The following EBF3 variants were observed in gnomAD, a reference collection of about 807,000 sequenced individuals.
EBF3 encodes the protein EBF transcription factor 3, also known as transcription factor COE3.
A neutral mutation model predicts 77.1 loss-of-function variants in EBF3; 18 were observed. The observed-to-expected ratio is 0.23, with a 90% CI of 0.16 to 0.35. The LOEUF is 0.35. Ranked by LOEUF, EBF3 falls within the 10% of genes least tolerant of loss-of-function variation. EBF3 has a pLI of 1.00. For missense variants in EBF3, 558 were observed against 860.0 expected (o/e 0.65, Z 4.39); for synonymous variants, 350 against 343.5 (o/e 1.02, Z -0.21).
rs17330671 is a variant in EBF3 at position 129,913,932 on chromosome 10, C to T, written c.555-36083G>A. ...TCATTCACTCATCTCGCTTCTCATC[C>T]GAATGGAACTCCACCTGAAAACTCT... is the stretch of plus-strand genomic sequence containing the variant. On this transcript the variant is annotated intron_variant, in intron 6 of 16. Coordinates refer to ENST00000440978, the MANE Select transcript of EBF3 (RefSeq NM_001375380.1). Among the ~76,000 whole-genome samples, 1,178 of 152,376 alleles carry T rather than the reference C, an allele frequency of 7.7e-3. 10 individuals carry two copies. Among genetic ancestry groups the T allele is most frequent in the Non-Finnish European group, 0.013 (894 of 68,046 alleles).
In EBF3 at chr10:129,957,388, A is replaced by ATTTT. The variant is rs36101167; in HGVS notation, c.486-66_486-63dup. On this transcript the variant is annotated intron_variant, in intron 5 of 16. Coordinates refer to ENST00000440978, the MANE Select transcript of EBF3 (RefSeq NM_001375380.1). ...TTTCCCCCTTTTATGCCCGACTTGT[A>ATTTT]TTTTTTTTTTTTTCTGACGTCTGAC... 1,441 of 1,161,698 alleles carry ATTTT rather than the reference A, an allele frequency of 1.2e-3. 1 individual carries two copies. The highest frequency in any genetic ancestry group is 2.9e-3 in the South Asian group (167 of 57,642). The allele number at this position is 1,161,698 out of a possible 1,614,324, so 72.0% of individuals were successfully genotyped here.
chr10:129,903,085 C>T (rs1035520158), intron 6 of EBF3, among the ~76,000 whole-genome samples: 1 of 152,224 alleles, frequency 6.6e-6, no homozygotes, highest in South Asian at 2.1e-4. Context: ...TCTGTGGCTT[C>T]GATGAAAGTC....
intron 6 of EBF3, among the ~76,000 whole-genome samples, chr10:129,929,286 C>T (rs1040379997): frequency 5.3e-5 from 8 of 152,110 alleles, no homozygotes; most frequent in Admixed American, 4.6e-4. Context: ...TTCACTGCAA[C>T]CTGCACCTCC....
Position 129,841,163 on chromosome 10 carries a change from C to A in EBF3, c.1373-131G>T. The A allele has an allele frequency of 8.1e-7, 1 of 1,239,748 alleles. No homozygotes were observed. Among genetic ancestry groups the A allele is most frequent in the East Asian group, 2.6e-5 (1 of 39,168 alleles). 76.8% of individuals were successfully genotyped at this position (1,239,748 alleles called of 1,614,324 possible). On this transcript the variant is annotated intron_variant, in intron 13 of 16. Transcript: ENST00000440978. The surrounding 1 kb of genome is among the most constrained non-coding windows in gnomAD (Gnocchi z 4.6). ...CCTGTGCTTTCCACCTGCTCTAGCG[C>A]CTGCTGCCAGCTCGGATGACCTTAT...
Position 129,870,658 on chromosome 10 carries a change from C to T in EBF3, c.782-2746G>A, listed in dbSNP as rs1488305296. On this transcript the variant is annotated intron_variant, in intron 8 of 16. Coordinates refer to ENST00000440978, the MANE Select transcript of EBF3 (RefSeq NM_001375380.1). The surrounding 1 kb of genome is among the most constrained non-coding windows in gnomAD (Gnocchi z 4.4). ...CACCCTCTGCCCATCGTGACCCCCG[C>T]CGGCTCTCCCCAGGGCCTGCGGGGA... Among the ~76,000 whole-genome samples the T allele has an allele frequency of 1.3e-5, 2 of 152,160 alleles. No homozygotes were observed. Among genetic ancestry groups the T allele is most frequent in the Admixed American group, 1.3e-4 (2 of 15,284 alleles).
intron 6 of EBF3, among the ~76,000 whole-genome samples, chr10:129,894,614 C>G (rs1290980619): frequency 6.6e-6 from 1 of 152,202 alleles, no homozygotes; most frequent in Non-Finnish European, 1.5e-5. Context: ...TGACCAGGCT[C>G]TCCATTGCTC....
intron 6 of EBF3, among the ~76,000 whole-genome samples, chr10:129,914,264 T>A (rs907429583): frequency 2.6e-5 from 4 of 152,112 alleles, no homozygotes; most frequent in Non-Finnish European, 4.4e-5. Context: ...ATCTTGCACA[T>A]TTCAGACAAA....
chr10:129,900,310 A>T (rs1372454985), intron 6 of EBF3, among the ~76,000 whole-genome samples: 1 of 152,220 alleles, frequency 6.6e-6, no homozygotes, highest in Non-Finnish European at 1.5e-5. Context: ...TTTTTCCAGG[A>T]TAACTGAGCA....
rs1857522238 is a variant in EBF3, at chr10:129,938,660, C to A, written c.554+18598G>T. Reference sequence around the variant, plus strand: ...AGGCAGGCACGAGCAGAACGCTCCTCCTCCTTGGCTGTTGTCCACGAGAAA... The same window carrying A: ...AGGCAGGCACGAGCAGAACGCTCCTACTCCTTGGCTGTTGTCCACGAGAAA... On this transcript the variant is annotated intron_variant, in intron 6 of 16. Coordinates refer to ENST00000440978, the MANE Select transcript of EBF3 (RefSeq NM_001375380.1). The surrounding 1 kb of genome is among the most constrained non-coding windows in gnomAD (Gnocchi z 5.1). Among the ~76,000 whole-genome samples, 2 of 152,234 alleles carry A rather than the reference C, an allele frequency of 1.3e-5. No individual in the cohort carries two copies. The highest frequency in any genetic ancestry group is 4.1e-4 in the South Asian group (2 of 4,828).
chr10:129,877,980 C>A, intron 6 of EBF3, 131 bp from the exon 7 acceptor site: 4 of 681,574 alleles, frequency 5.9e-6, no homozygotes, highest in Non-Finnish European at 4.8e-6. Flanking sequence ...CTCTAGGGGG[C>A]GACATTGAGA....
chr10:129,869,689 C>T (rs1195580473), intron 8 of EBF3, among the ~76,000 whole-genome samples: 2 of 152,166 alleles, frequency 1.3e-5, no homozygotes, highest in African/African-American at 4.8e-5. Flanking sequence ...AGCACACCGC[C>T]GACATGCCAC....
chr10:129,940,933 G>A (rs922806284), intron 6 of EBF3, among the ~76,000 whole-genome samples: 7 of 152,250 alleles, frequency 4.6e-5, no homozygotes, highest in Admixed American at 3.3e-4. Context: ...GTAGGTCCCC[G>A]GTCCCCCAGC....
chr10:129,837,309 C>A lies in EBF3; in HGVS notation c.*634G>T, dbSNP rs1285974163. On this transcript the variant is annotated 3_prime_UTR_variant, in exon 17 of 17. Coordinates refer to ENST00000440978, the MANE Select transcript of EBF3 (RefSeq NM_001375380.1). ...TCAATATCAAAGTTACAATTTCTAA[C>A]TACAATAAGTTACAAAGTTTCATTT... is the stretch of plus-strand genomic sequence containing the variant. 1.3e-5 allele frequency: 2 copies of A among 152,620 alleles called. No individual in the cohort carries two copies. The highest frequency in any genetic ancestry group is 4.8e-5 in the African/African-American group (2 of 41,452). 9.5% of individuals were successfully genotyped at this position (152,620 alleles called of 1,614,324 possible). A position where few individuals can be genotyped will look rare whatever the true frequency, so the allele number is the denominator to read the frequency against.
At position 129,918,812 on chromosome 10, in the gene EBF3, G is replaced by A. The variant is rs189556996; in HGVS notation, c.554+38446C>T. Among the ~76,000 whole-genome samples, 222 of 152,342 alleles carry A rather than the reference G, an allele frequency of 1.5e-3. 3 individuals are homozygous for A. Among genetic ancestry groups the A allele is most frequent in the Admixed American group, 8.4e-3 (129 of 15,306 alleles). ...GGGGTGGAATCAGGGGAGACTCTTG[G>A]TTTACTCATAGTGAGATCTGCTCAT... On this transcript the variant is annotated intron_variant, in intron 6 of 16. Coordinates refer to ENST00000440978, the MANE Select transcript of EBF3 (RefSeq NM_001375380.1).
intron 6 of EBF3, among the ~76,000 whole-genome samples, chr10:129,891,078 A>G (rs1331235192): frequency 6.6e-6 from 1 of 152,228 alleles, no homozygotes; most frequent in East Asian, 1.9e-4. Context: ...TGTCATATTT[A>G]TCTTCATGAA....
intron 3 of EBF3, among the ~76,000 whole-genome samples, chr10:129,962,617 GAAGT>G (rs2134652206): frequency 6.6e-6 from 1 of 152,058 alleles, no homozygotes; most frequent in East Asian, 1.9e-4. Context: ...TCGTTCACAG[GAAGT>G]AAGTTATGCT....
At chr10:129,884,360 T>A (rs1853422142) in intron 6 of EBF3, among the ~76,000 whole-genome samples, 1 of 152,166 alleles carries the variant, frequency 6.6e-6, no homozygotes, top group African/African-American at 2.4e-5. Flanking sequence ...TCAATACGTA[T>A]TGGATTTCCA....
chr10:129,839,907 C>T (rs1849891870), intron 15 of EBF3, among the ~76,000 whole-genome samples: 1 of 152,266 alleles, frequency 6.6e-6, no homozygotes, highest in Non-Finnish European at 1.5e-5. Flanking sequence ...CTGAATCAGA[C>T]CGACAGTGAC....
chr10:129,840,301 C>G lies in EBF3; in HGVS notation c.1703G>C (p.Arg568Pro). 6.3e-7 allele frequency: 1 copy of G among 1,594,724 alleles called. No homozygotes were observed. Among genetic ancestry groups the G allele is most frequent in the Non-Finnish European group, 8.5e-7 (1 of 1,170,772 alleles). The change falls in exon 15 of 17, where the codon CGG becomes CCG. Residue 568 changes from arginine to proline, a missense_variant. By Grantham distance (103) the Arg-to-Pro change is moderately radical. This residue lies in a region of EBF3 where 284 missense variants were observed against 368.3 expected (regional missense o/e 0.77). Transcript: ENST00000440978. ...GGAAGGAGGAGGAGAGGCTTGGGGC[C>G]GGACCACGGGCGCGAAGGCGCTCTT... ...KQKSAFAPVV[R>P]PQASPPPSCT... is the part of the protein sequence containing the mutation.
Sources: allele counts gnomAD v4.1 joint callset (sites outside exome capture counted in the v4.1 genomes callset), GRCh38; gene constraint gnomAD v4.1.1; regional missense constraint gnomAD v4.1.1; non-coding constraint Gnocchi (gnomAD v3.1); transcripts MANE v1.5; gene names NCBI Gene and HGNC (gene_info 2026-07-23, HGNC 2026-07-21).